CREB3L2: variants seen among roughly 807,000 people sequenced by gnomAD.
The protein encoded by CREB3L2 is cyclic AMP-responsive element-binding protein 3-like protein 2.
CREB3L2 carries 23 observed loss-of-function variants against 57.2 expected under a neutral mutation model. The observed-to-expected ratio is 0.40, with a 90% confidence interval of 0.29 to 0.57. The LOEUF (loss-of-function observed/expected upper bound fraction) is 0.57. Among genes scored for constraint, CREB3L2 ranks in the 20% least tolerant of loss-of-function variants. The probability of loss-of-function intolerance (pLI) is 0.42; values close to 1 mark genes in which losing one functional copy is unlikely to be tolerated. For synonymous variants in CREB3L2, 268 were observed against 265.1 expected, an observed-to-expected ratio of 1.01 and a Z score of -0.11; for missense variants, 628 against 634.7, an observed-to-expected ratio of 0.99 and a Z score of 0.11.
chr7:137,881,840 T>C (rs985810583), intron 11 of CREB3L2, among the ~76,000 whole-genome samples: 3 of 152,200 alleles, frequency 2.0e-5, no homozygotes, highest in African/African-American at 7.2e-5. Flanking sequence ...TCATGTAGAA[T>C]TGGAGCCAAA....
chr7:137,892,457 C>T (rs1001757688), intron 8 of CREB3L2, among the ~76,000 whole-genome samples: 2 of 152,064 alleles, frequency 1.3e-5, no homozygotes, highest in Non-Finnish European at 2.9e-5. Flanking sequence ...TCGAGACCAG[C>T]CTGGCCAACA....
intron 2 of CREB3L2, among the ~76,000 whole-genome samples, chr7:137,922,246 G>A (rs1347324615): frequency 6.6e-6 from 1 of 150,786 alleles, no homozygotes; most frequent in African/African-American, 2.4e-5. Flanking sequence ...GTCATCTTTG[G>A]AGAAAGGCAC....
intron 9 of CREB3L2, 35 bp from the exon 10 acceptor site, chr7:137,885,156 G>A: frequency 6.2e-7 from 1 of 1,610,888 alleles, no homozygotes; most frequent in African/African-American, 1.3e-5. Flanking sequence ...AGAACACGAG[G>A]GGCTGTGGAC....
At chr7:137,957,112 G>A (rs1346414762) in intron 1 of CREB3L2, among the ~76,000 whole-genome samples, 1 of 152,062 alleles carries the variant, frequency 6.6e-6, no homozygotes, top group African/African-American at 2.4e-5. Flanking sequence ...ATGACGTGGA[G>A]TTCCCTGAAC....
At chr7:137,989,347 A>G (rs945231977) in intron 1 of CREB3L2, among the ~76,000 whole-genome samples, 1 of 148,946 alleles carries the variant, frequency 6.7e-6, no homozygotes, top group Non-Finnish European at 1.5e-5. Context: ...TGAATAGCAC[A>G]CTCAACCCTT....
At chr7:137,975,339 C>T (rs1008346409) in intron 1 of CREB3L2, among the ~76,000 whole-genome samples, 24 of 152,132 alleles carry the variant, frequency 1.6e-4, no homozygotes, top group African/African-American at 4.8e-4. Flanking sequence ...AACCAGCAGG[C>T]TATTTCTTCT....
intron 8 of CREB3L2, 33 bp downstream of exon 8, chr7:137,901,321 A>G: frequency 8.0e-7 from 1 of 1,254,908 alleles, no homozygotes; most frequent in Middle Eastern, 1.9e-4. Context: ...TTCCATTGGT[A>G]GCGCAATCAG....
Position 137,882,539 on chromosome 7 carries a change from C to T in CREB3L2, c.1360G>A (p.Asp454Asn). The change falls in exon 11 of 12, where the codon GAT (aspartate) becomes AAT (asparagine). Residue 454 changes from aspartate (D) to asparagine (N), a missense_variant. Coordinates refer to ENST00000330387, the MANE Select transcript of CREB3L2 (RefSeq NM_194071.4). ...ACCCTGAGCAGGGAGGAACCTCTAT[C>T]CCAGCCCCCCAGCTCCCCAGCCGAG... is the stretch of plus-strand genomic sequence containing the variant. The part of the protein sequence containing the change: ...PGSAGELGGW[D>N]RGSSLLRVSG... The T allele has an allele frequency of 6.2e-7, 1 of 1,613,790 alleles. No homozygotes were observed. Among genetic ancestry groups the T allele is most frequent in the Non-Finnish European group, 8.5e-7 (1 of 1,179,722 alleles).
At chr7:137,933,817 G>C (rs1353160800) in intron 1 of CREB3L2, 1 of 152,272 alleles carries the variant, frequency 6.6e-6, no homozygotes, top group Non-Finnish European at 1.5e-5. Flanking sequence ...CCTTGGCAGT[G>C]GTGGGCTCCA....
At chr7:137,903,741 T>C (rs1799818617) in intron 7 of CREB3L2, among the ~76,000 whole-genome samples, 1 of 152,226 alleles carries the variant, frequency 6.6e-6, no homozygotes, top group South Asian at 2.1e-4. Flanking sequence ...AGTGGTATGA[T>C]TCAAACACCT....
At chr7:137,993,871 C>A (rs926023781) in intron 1 of CREB3L2, among the ~76,000 whole-genome samples, 3 of 152,188 alleles carry the variant, frequency 2.0e-5, no homozygotes, top group African/African-American at 7.2e-5. Context: ...TTGTGCTGAG[C>A]AAATCTCTAC....
At chr7:137,947,984 A>G (rs1250703612) in intron 1 of CREB3L2, among the ~76,000 whole-genome samples, 1 of 151,994 alleles carries the variant, frequency 6.6e-6, no homozygotes, top group Non-Finnish European at 1.5e-5. Flanking sequence ...GGGCTCTGCC[A>G]CTCTGCAGCT....
intron 1 of CREB3L2, among the ~76,000 whole-genome samples, chr7:137,988,442 T>G (rs757036581): frequency 7.9e-5 from 12 of 152,260 alleles, no homozygotes. Flanking sequence ...CTGTCCTTAT[T>G]ATTATGTCAT....
intron 8 of CREB3L2, among the ~76,000 whole-genome samples, chr7:137,886,417 G>A (rs566169094): frequency 7.2e-5 from 11 of 151,762 alleles, no homozygotes; most frequent in African/African-American, 2.7e-4. Context: ...CAGAGGTGGG[G>A]GCTGTGACTG....
At chr7:137,992,754 T>C (rs1420173181) in intron 1 of CREB3L2, among the ~76,000 whole-genome samples, 1 of 152,028 alleles carries the variant, frequency 6.6e-6, no homozygotes, top group African/African-American at 2.4e-5. Context: ...CTTGCCAGAG[T>C]GTCATGGAAG....
chr7:137,908,946 A>G (rs1799950850), intron 4 of CREB3L2, among the ~76,000 whole-genome samples: 1 of 152,076 alleles, frequency 6.6e-6, no homozygotes, highest in South Asian at 2.1e-4. Context: ...AAAATACAAA[A>G]AAAATTAGCC....
At chr7:137,973,032 A>G (rs2117303681) in intron 1 of CREB3L2, among the ~76,000 whole-genome samples, 1 of 151,966 alleles carries the variant, frequency 6.6e-6, no homozygotes, top group South Asian at 2.1e-4. Flanking sequence ...ATGAGAGAAC[A>G]CAGACACACA....
At chr7:137,985,920 A>AGGTCTTAT (rs1410205766) in intron 1 of CREB3L2, among the ~76,000 whole-genome samples, 4 of 152,230 alleles carry the variant, frequency 2.6e-5, no homozygotes, top group Non-Finnish European at 5.9e-5. Context: ...CACAATTCAG[A>AGGTCTTAT]GGTCTTATTC....
At chr7:137,975,461 C>T (rs934858542) in intron 1 of CREB3L2, among the ~76,000 whole-genome samples, 1 of 152,202 alleles carries the variant, frequency 6.6e-6, no homozygotes, top group African/African-American at 2.4e-5. Flanking sequence ...CTCGCCCCTT[C>T]TCTCTTTTTT....
Sources: allele counts gnomAD v4.1 joint callset (sites outside exome capture counted in the v4.1 genomes callset), GRCh38; gene constraint gnomAD v4.1.1; transcripts MANE v1.5; gene names NCBI Gene and HGNC (gene_info 2026-07-23, HGNC 2026-07-21).